Variants in PRKCB observed in about 807,000 individuals in gnomAD.
PRKCB encodes the protein protein kinase C beta type.
Under a neutral mutation model 81.5 loss-of-function variants are expected in PRKCB, and 13 were observed. The ratio of observed to expected loss-of-function variants is 0.16; its 90% confidence interval spans 0.10 to 0.25. PRKCB has a LOEUF of 0.25. Among genes scored for constraint, PRKCB ranks in the 10% least tolerant of loss-of-function variants. PRKCB has a pLI of 1.00. For synonymous variants in PRKCB, 335 were observed against 321.4 expected, an observed-to-expected ratio of 1.04 and a Z score of -0.45; for missense variants, 509 against 875.7, an observed-to-expected ratio of 0.58 and a Z score of 5.29.
intron 2 of PRKCB, among the ~76,000 whole-genome samples, chr16:23,870,606 T>C (rs1316814919): frequency 6.6e-6 from 1 of 152,182 alleles, no homozygotes; most frequent in African/African-American, 2.4e-5. Context: ...TTCACTTTCT[T>C]GTGGCATGCC....
chr16:24,218,956 G>T lies in PRKCB; in HGVS notation c.*4140G>T, dbSNP rs911793199. ...ACTGAAATCTTGGGCAAGCCACCCT[G>T]CCTGCTTGTGCCTCGGTTCTCTCAT... On this transcript the variant is annotated 3_prime_UTR_variant, in exon 17 of 17. Coordinates refer to ENST00000643927, the MANE Select transcript of PRKCB (RefSeq NM_002738.7). 26 of 985,442 alleles carry T rather than the reference G, an allele frequency of 2.6e-5. No homozygotes were observed. The African/African-American group carries it at 4.5e-4, about 17-fold the overall frequency. 61.0% of individuals were successfully genotyped at this position (985,442 alleles called of 1,614,324 possible).
intron 2 of PRKCB, among the ~76,000 whole-genome samples, chr16:23,934,126 TTCTG>T (rs1388846195): frequency 6.6e-6 from 1 of 152,156 alleles, no homozygotes; most frequent in African/African-American, 2.4e-5. Flanking sequence ...ACTTGCTTGG[TTCTG>T]TCTATTATCA....
intron 15 of PRKCB, among the ~76,000 whole-genome samples, chr16:24,190,524 GT>G (rs780062673): frequency 1.8e-4 from 21 of 117,844 alleles, no homozygotes; most frequent in Admixed American, 2.5e-4. Context: ...TTTTGGTTTT[GT>G]TTTTTTTTTT....
At chr16:23,955,635 G>C (rs538129249) in intron 2 of PRKCB, among the ~76,000 whole-genome samples, 3 of 152,136 alleles carry the variant, frequency 2.0e-5, no homozygotes, top group African/African-American at 7.2e-5. Context: ...GTGCAGGTCC[G>C]CCTATTTGAT....
chr16:24,057,716 G>T (rs764376291), intron 5 of PRKCB, among the ~76,000 whole-genome samples: 1 of 152,114 alleles, frequency 6.6e-6, no homozygotes, highest in Non-Finnish European at 1.5e-5. Flanking sequence ...GCTTCACAGA[G>T]GCAAAGGCAG....
At chr16:24,068,486 A>AAAAAAC (rs1966067199) in intron 5 of PRKCB, among the ~76,000 whole-genome samples, 1 of 149,974 alleles carries the variant, frequency 6.7e-6, no homozygotes, top group African/African-American at 2.5e-5. Context: ...GGAAAAAAAA[A>AAAAAAC]AAAAAACCAC....
chr16:23,886,539 A>G lies in PRKCB; in HGVS notation c.205+49133A>G, dbSNP rs745851929. 2.0e-5 allele frequency among the ~76,000 whole-genome samples: 3 copies of G among 148,886 alleles called. 1 individual carries two copies. The South Asian group carries it at 6.4e-4, about 32-fold the overall frequency. ...CCGATTCTTCTGCCTCAGCCTCCTG[A>G]GTAGCTGGGATTACAGGCACGCACC... is the stretch of plus-strand genomic sequence containing the variant. On this transcript the variant is annotated intron_variant, in intron 2 of 16. Coordinates refer to ENST00000643927, the MANE Select transcript of PRKCB (RefSeq NM_002738.7).
intron 16 of PRKCB, among the ~76,000 whole-genome samples, chr16:24,213,492 C>T (rs1435843958): frequency 6.6e-6 from 1 of 151,922 alleles, no homozygotes; most frequent in Admixed American, 6.6e-5. Flanking sequence ...ATAATGCCCA[C>T]TTCATAGGGC....
At chr16:24,211,487 G>A (rs1320707852) in intron 16 of PRKCB, among the ~76,000 whole-genome samples, 3 of 151,692 alleles carry the variant, frequency 2.0e-5, no homozygotes, top group African/African-American at 7.3e-5. Flanking sequence ...GAAACTTTAA[G>A]GAACTTGCCC....
intron 16 of PRKCB, chr16:24,191,443 A>G (rs758946239): frequency 2.7e-5 from 13 of 474,360 alleles, no homozygotes; most frequent in Non-Finnish European, 4.0e-5. Context: ...GGAAACGACG[A>G]TGCCTATTGA....
intron 5 of PRKCB, among the ~76,000 whole-genome samples, chr16:24,071,803 G>A (rs1332321402): frequency 6.6e-6 from 1 of 152,120 alleles, no homozygotes; most frequent in Non-Finnish European, 1.5e-5. Context: ...GATGGTGCAG[G>A]AAAGGCTGAA....
intron 16 of PRKCB, among the ~76,000 whole-genome samples, chr16:24,210,802 G>A (rs1261369964): frequency 6.6e-6 from 1 of 152,072 alleles, no homozygotes; most frequent in African/African-American, 2.4e-5. Context: ...GCCCGGCCTT[G>A]GCTTTATTTT....
intron 5 of PRKCB, among the ~76,000 whole-genome samples, chr16:24,062,060 A>G (rs372302547): frequency 2.6e-5 from 4 of 152,230 alleles, no homozygotes; most frequent in East Asian, 3.9e-4. Flanking sequence ...ACCCACTGCT[A>G]TGTTGTTATT....
At chr16:23,839,319 G>C (rs545068835) in intron 2 of PRKCB, among the ~76,000 whole-genome samples, 2 of 136,136 alleles carry the variant, frequency 1.5e-5, no homozygotes, top group South Asian at 4.9e-4. Flanking sequence ...TTTTGCCCCG[G>C]CTGGAGTACA....
At chr16:24,002,123 C>A (rs985114254) in intron 3 of PRKCB, among the ~76,000 whole-genome samples, 1 of 152,094 alleles carries the variant, frequency 6.6e-6, no homozygotes, top group Admixed American at 6.6e-5. Context: ...TCTTGGTCAG[C>A]TAGTGGCTGG....
rs1048028160 is a variant in PRKCB at position 24,215,394 on chromosome 16, C to T, written c.*578C>T. 3.3e-5 allele frequency: 33 copies of T among 986,020 alleles called. No individual in the cohort carries two copies. Among genetic ancestry groups the T allele is most frequent in the South Asian group, 4.7e-5 (1 of 21,290 alleles). The allele number at this position is 986,020 out of a possible 1,614,324, so 61.1% of individuals were successfully genotyped here. ...AAAATTCCAAGAATGTGCTTTTAGA[C>T]GGTCTCAATCTAAAAGCACTTCAAG... On this transcript the variant is annotated 3_prime_UTR_variant, in exon 17 of 17. Coordinates refer to ENST00000643927, the MANE Select transcript of PRKCB (RefSeq NM_002738.7).
Position 24,217,494 on chromosome 16 carries a change from T to TA in PRKCB, c.*2679dup. The TA allele has an allele frequency of 2.0e-6, 2 of 985,454 alleles. No individual in the cohort carries two copies. The highest frequency in any genetic ancestry group is 2.4e-6 in the Non-Finnish European group (2 of 829,942). 61.0% of individuals were successfully genotyped at this position (985,454 alleles called of 1,614,324 possible). ...ACTGTTTTCACATGGCTTCAGATGC[T>TA]ATCAACCTCAAAGAAATGATCTCAA... On this transcript the variant is annotated 3_prime_UTR_variant, in exon 17 of 17. Transcript: ENST00000643927.
chr16:24,003,357 G>A (rs1183225480), intron 3 of PRKCB, among the ~76,000 whole-genome samples: 1 of 150,994 alleles, frequency 6.6e-6, no homozygotes, highest in African/African-American at 2.4e-5. Flanking sequence ...GGCAACCCTA[G>A]TGGAGGAATT....
intron 2 of PRKCB, among the ~76,000 whole-genome samples, chr16:23,959,618 A>G (rs1338590031): frequency 1.3e-5 from 2 of 152,220 alleles, no homozygotes; most frequent in Non-Finnish European, 2.9e-5. Context: ...ATAGAATATT[A>G]GCGATTATCT....
Sources: gnomAD v4.1 joint callset for allele counts (sites outside exome capture counted in the v4.1 genomes callset) on GRCh38, gnomAD v4.1.1 for gene constraint, MANE v1.5 for transcripts, NCBI Gene and HGNC (gene_info 2026-07-23, HGNC 2026-07-21) for gene names.